DPP10: variants seen among roughly 807,000 people sequenced by gnomAD.
DPP10 encodes inactive dipeptidyl peptidase 10.
Under a neutral mutation model 120.9 loss-of-function variants are expected in DPP10, and 33 were observed. That is an observed-to-expected ratio of 0.27 (90% confidence interval 0.21 to 0.37). The LOEUF (loss-of-function observed/expected upper bound fraction) is 0.37, where lower values mean the gene tolerates loss of function less well. Among genes scored for constraint, DPP10 ranks in the 10% least tolerant of loss-of-function variants. The probability of loss-of-function intolerance (pLI) is 1.00; values close to 1 mark genes in which losing one functional copy is unlikely to be tolerated. For synonymous variants in DPP10, 337 were observed against 326.1 expected (o/e 1.03, Z -0.36); for missense variants, 816 against 942.8 (o/e 0.87, Z 1.76).
intron 1 of DPP10, among the ~76,000 whole-genome samples, chr2:115,134,953 C>A (rs1009840962): frequency 6.6e-6 from 1 of 152,058 alleles, no homozygotes; most frequent in Non-Finnish European, 1.5e-5. Flanking sequence ...GAACGTTCCA[C>A]ACTGCTGCTC....
rs149493895 is a variant in DPP10, at chr2:114,821,670, A to G, written c.60+378832A>G. Among the ~76,000 whole-genome samples the G allele has an allele frequency of 4.3e-3, 655 of 152,258 alleles. 7 individuals carry two copies. Among genetic ancestry groups the G allele is most frequent in the African/African-American group, 0.015 (632 of 41,546 alleles). Reference sequence around the variant, plus strand: ...AGGAAGTTAGTTACTTCCTAGATACAATGGGGTACAGGCATTGGTTAAATA... The same window carrying G: ...AGGAAGTTAGTTACTTCCTAGATACGATGGGGTACAGGCATTGGTTAAATA... On this transcript the variant is annotated intron_variant, in intron 1 of 25. Coordinates refer to ENST00000410059, the MANE Select transcript of DPP10 (RefSeq NM_020868.6).
rs909293662 is a variant in DPP10, at chr2:115,301,435, C to G, written c.61-7804C>G. On this transcript the variant is annotated intron_variant, in intron 1 of 25. Transcript: ENST00000410059. ...AAAATAAGTTCCACTGCCCTCCTTCCTTCCTGAGAGAAAAATACTGGAAAG... is the reference window on the plus strand; with the variant it reads ...AAAATAAGTTCCACTGCCCTCCTTCGTTCCTGAGAGAAAAATACTGGAAAG... Among the ~76,000 whole-genome samples, 6 of 151,116 alleles carry G rather than the reference C, an allele frequency of 4.0e-5. No homozygotes were observed. In the East Asian group the frequency reaches 1.2e-3, roughly 30 times the overall value.
chr2:114,939,671 A>T (rs1438705565), intron 1 of DPP10, among the ~76,000 whole-genome samples: 1 of 152,106 alleles, frequency 6.6e-6, no homozygotes, highest in Admixed American at 6.6e-5. Flanking sequence ...TCTCCTCTTA[A>T]TTTTTAAGAA....
chr2:114,447,026 G>C (rs1204123686), intron 1 of DPP10, among the ~76,000 whole-genome samples: 1 of 145,444 alleles, frequency 6.9e-6, no homozygotes, highest in Non-Finnish European at 1.5e-5. Context: ...AATCTCACTG[G>C]TTGTTAAATT....
Position 115,413,421 on chromosome 2 carries a change from C to T in DPP10, c.271+69509C>T, listed in dbSNP as rs546366312. Among the ~76,000 whole-genome samples the T allele has an allele frequency of 1.7e-4, 26 of 152,144 alleles. No individual in the cohort carries two copies. In the East Asian group the frequency reaches 3.5e-3, roughly 20 times the overall value. On this transcript the variant is annotated intron_variant, in intron 3 of 25. Coordinates refer to ENST00000410059, the MANE Select transcript of DPP10 (RefSeq NM_020868.6). ...ATCAAAGTCGGAAAATAGTGGCAGC[C>T]GCTCCACAGTAGTGGAGCATGAGGG...
At chr2:115,562,837 A>G (rs762376657) in intron 5 of DPP10, among the ~76,000 whole-genome samples, 3 of 152,188 alleles carry the variant, frequency 2.0e-5, no homozygotes, top group Non-Finnish European at 4.4e-5. Flanking sequence ...AGCCTTTCTG[A>G]TCTCCATAGC....
chr2:114,442,728 G>A lies in DPP10; in HGVS notation c.-51G>A. ...TCCAATAGAGGAGACTTGATCTCTA[G>A]TTCATTCTGGAACTCCGCCTGGGAT... On this transcript the variant is annotated 5_prime_UTR_variant, in exon 1 of 26. Coordinates refer to ENST00000410059, the MANE Select transcript of DPP10 (RefSeq NM_020868.6). 1 of 1,609,486 alleles carries A rather than the reference G, an allele frequency of 6.2e-7. No individual in the cohort carries two copies. The highest frequency in any genetic ancestry group is 1.1e-5 in the South Asian group (1 of 90,530).
At chr2:114,655,370 T>TAA (rs1696893071) in intron 1 of DPP10, among the ~76,000 whole-genome samples, 1 of 152,208 alleles carries the variant, frequency 6.6e-6, no homozygotes, top group South Asian at 2.1e-4. Flanking sequence ...AAATTTCTGC[T>TAA]AAATTTCTGT....
chr2:115,432,730 A>G (rs1338203096), intron 3 of DPP10, among the ~76,000 whole-genome samples: 1 of 146,178 alleles, frequency 6.8e-6, no homozygotes, highest in African/African-American at 2.5e-5. Context: ...CAATGGGGCA[A>G]TGTTCCCTTT....
At chr2:115,600,572 A>G (rs756630503) in intron 5 of DPP10, among the ~76,000 whole-genome samples, 14 of 152,200 alleles carry the variant, frequency 9.2e-5, no homozygotes, top group Non-Finnish European at 1.8e-4. Flanking sequence ...CTTTGGGAAA[A>G]AGATTTCTGT....
chr2:114,524,942 T>G (rs1406750521), intron 1 of DPP10, among the ~76,000 whole-genome samples: 1 of 152,216 alleles, frequency 6.6e-6, no homozygotes, highest in African/African-American at 2.4e-5. Context: ...TTTCTTTAAA[T>G]GTAGGCTTCC....
intron 3 of DPP10, among the ~76,000 whole-genome samples, chr2:115,451,882 G>A (rs2073135199): frequency 9.7e-6 from 1 of 103,600 alleles, no homozygotes; most frequent in Non-Finnish European, 2.3e-5. Context: ...GTGTGTATGT[G>A]TTTGTGTGTG....
chr2:115,374,473 T>A (rs1194939710), intron 3 of DPP10, among the ~76,000 whole-genome samples: 1 of 152,194 alleles, frequency 6.6e-6, no homozygotes, highest in African/African-American at 2.4e-5. Flanking sequence ...TGGTGCGTGC[T>A]GTTGGTGGGC....
chr2:115,785,835 G>A (rs1683276009), intron 17 of DPP10, among the ~76,000 whole-genome samples: 2 of 110,218 alleles, frequency 1.8e-5, no homozygotes, highest in African/African-American at 2.6e-5. Flanking sequence ...CAGCTCTGAT[G>A]TGGGTTTTTT....
chr2:115,702,329 T>C (rs904003903), intron 7 of DPP10, among the ~76,000 whole-genome samples: 1 of 151,978 alleles, frequency 6.6e-6, no homozygotes, highest in Non-Finnish European at 1.5e-5. Context: ...TATCATATGA[T>C]CCAGCAATTC....
Position 115,815,676 on chromosome 2 carries a change from T to A in DPP10, c.1897T>A (p.Phe633Ile). Residue 633 changes from phenylalanine to isoleucine, a missense_variant and splice_region_variant, in exon 21 of 26, where the codon TTT (phenylalanine) becomes ATT (isoleucine). By Grantham distance (21) the Phe-to-Ile change is conservative. Around this residue, in one of 3 missense-constraint regions of DPP10, gnomAD observed 592 missense variants for 649.0 expected, o/e 0.91. Transcript: ENST00000410059. ...TATTGTTTTTCGTTTTCATTGCAGATTTTTGCTGAAACTGCCTTACATTGA... is the reference window on the plus strand; with the variant it reads ...TATTGTTTTTCGTTTTCATTGCAGAATTTTGCTGAAACTGCCTTACATTGA... ...EVKDQITAVK[F>I]LLKLPYIDSK... is the part of the protein sequence containing the mutation. 1 of 1,600,632 alleles carries A rather than the reference T, an allele frequency of 6.2e-7. No homozygotes were observed. Among genetic ancestry groups the A allele is most frequent in the Non-Finnish European group, 8.5e-7 (1 of 1,172,976 alleles).
rs1322776730 is a variant in DPP10, at chr2:114,442,718, T to C, written c.-61T>C. On this transcript the variant is annotated 5_prime_UTR_variant, in exon 1 of 26. Coordinates refer to ENST00000410059, the MANE Select transcript of DPP10 (RefSeq NM_020868.6). Reference sequence around the variant, plus strand: ...CCTACTGAAGTCCAATAGAGGAGACTTGATCTCTAGTTCATTCTGGAACTC... The same window carrying C: ...CCTACTGAAGTCCAATAGAGGAGACCTGATCTCTAGTTCATTCTGGAACTC... The C allele has an allele frequency of 6.2e-7, 1 of 1,602,322 alleles. No homozygotes were observed. Among genetic ancestry groups the C allele is most frequent in the African/African-American group, 1.3e-5 (1 of 74,764 alleles).
At chr2:114,879,554 A>G (rs915072541) in intron 1 of DPP10, among the ~76,000 whole-genome samples, 65 of 152,162 alleles carry the variant, frequency 4.3e-4, no homozygotes, top group Non-Finnish European at 1.5e-5. Flanking sequence ...CAATTTTCGA[A>G]TGACTTCAAA....
At position 114,464,815 on chromosome 2, in the gene DPP10, A is replaced by C. The variant is rs149153593; in HGVS notation, c.60+21977A>C. ...AGGAGGCAGAGATTGACGTGAGCCG[A>C]GATCGTGCCACTGCACTCCACCCTG... On this transcript the variant is annotated intron_variant, in intron 1 of 25. Transcript: ENST00000410059. Among the ~76,000 whole-genome samples the C allele has an allele frequency of 1.3e-3, 196 of 152,338 alleles. 2 individuals are homozygous for C. In the East Asian group the frequency reaches 0.032, roughly 25 times the overall value.
Sources: gnomAD v4.1 joint callset for allele counts (sites outside exome capture counted in the v4.1 genomes callset) on GRCh38, gnomAD v4.1.1 for gene constraint, gnomAD v4.1.1 regional missense constraint, MANE v1.5 for transcripts, NCBI Gene and HGNC (gene_info 2026-07-23, HGNC 2026-07-21) for gene names.